Variants in KHDRBS2 observed in about 807,000 individuals in gnomAD.
The protein encoded by KHDRBS2 is KH RNA binding domain containing, signal transduction associated 2.
In KHDRBS2, 26 loss-of-function variants were observed where a neutral mutation model predicts 44.3. That is an observed-to-expected ratio of 0.59 (90% CI 0.43 to 0.81). The LOEUF (loss-of-function observed/expected upper bound fraction) is 0.81. Among genes scored for constraint, KHDRBS2 ranks in the 40% least tolerant of loss-of-function variants. The pLI is 0.00. For synonymous variants in KHDRBS2, 194 were observed against 151.1 expected, an observed-to-expected ratio of 1.28 and a Z score of -2.08; for missense variants, 476 against 433.1, an observed-to-expected ratio of 1.10 and a Z score of -0.88.
At chr6:62,246,010 T>A (rs1218780020) in intron 1 of KHDRBS2, among the ~76,000 whole-genome samples, 1 of 151,098 alleles carries the variant, frequency 6.6e-6, no homozygotes, top group Non-Finnish European at 1.5e-5. Flanking sequence ...CTGCAAACCT[T>A]GCTCACACCA....
intron 8 of KHDRBS2, among the ~76,000 whole-genome samples, chr6:61,683,572 T>G (rs1173359360): frequency 6.6e-6 from 1 of 151,860 alleles, no homozygotes; most frequent in Non-Finnish European, 1.5e-5. Context: ...TAAAGAAATT[T>G]AACATTTATT....
intron 1 of KHDRBS2, among the ~76,000 whole-genome samples, chr6:62,179,663 C>T (rs1821860300): frequency 6.6e-6 from 1 of 151,708 alleles, no homozygotes; most frequent in African/African-American, 2.4e-5. Flanking sequence ...TCCCTTGTTA[C>T]TTTTTCATAA....
intron 1 of KHDRBS2, among the ~76,000 whole-genome samples, chr6:62,265,303 C>T (rs1839010995): frequency 6.6e-6 from 1 of 151,902 alleles, no homozygotes; most frequent in Non-Finnish European, 1.5e-5. Context: ...TCCTGCATGC[C>T]ACCTTTGCTA....
At chr6:62,110,570 G>A (rs1229952508) in intron 2 of KHDRBS2, among the ~76,000 whole-genome samples, 2 of 152,034 alleles carry the variant, frequency 1.3e-5, no homozygotes, top group African/African-American at 4.8e-5. Context: ...TAATTATGTT[G>A]AGTGAAAGAA....
the KHDRBS2 span, among the ~76,000 whole-genome samples, chr6:61,544,786 T>C: frequency 6.6e-6 from 1 of 152,040 alleles, no homozygotes; most frequent in African/African-American, 2.4e-5. Flanking sequence ...TGTAGGGACA[T>C]GGATGAAGCT....
the KHDRBS2 span, among the ~76,000 whole-genome samples, chr6:61,663,189 G>A: frequency 2.9e-5 from 4 of 136,974 alleles, no homozygotes; most frequent in African/African-American, 8.2e-5. Flanking sequence ...TCATAGGTGG[G>A]AATTGAACAA....
At chr6:61,692,589 G>A (rs1767489792) in intron 8 of KHDRBS2, among the ~76,000 whole-genome samples, 1 of 151,800 alleles carries the variant, frequency 6.6e-6, no homozygotes, top group Non-Finnish European at 1.5e-5. Context: ...ATAAAATATA[G>A]GCCCCAAGGA....
At chr6:62,093,698 G>A (rs1799928467) in intron 2 of KHDRBS2, among the ~76,000 whole-genome samples, 1 of 151,632 alleles carries the variant, frequency 6.6e-6, no homozygotes, top group Non-Finnish European at 1.5e-5. Flanking sequence ...TCTACTTCTG[G>A]AAAGACAATG....
At chr6:62,257,865 T>C (rs1286863606) in intron 1 of KHDRBS2, among the ~76,000 whole-genome samples, 1 of 151,996 alleles carries the variant, frequency 6.6e-6, no homozygotes, top group Non-Finnish European at 1.5e-5. Flanking sequence ...CTTCTGGTCT[T>C]TACCCAATTA....
At chr6:61,641,655 C>A in the KHDRBS2 span, among the ~76,000 whole-genome samples, 1 of 152,148 alleles carries the variant, frequency 6.6e-6, no homozygotes, top group Non-Finnish European at 1.5e-5. Context: ...CTATGAGCTT[C>A]ATTTCTCTGG....
the KHDRBS2 span, among the ~76,000 whole-genome samples, chr6:61,623,773 G>A: frequency 1.1e-4 from 16 of 152,268 alleles, no homozygotes; most frequent in East Asian, 1.9e-4. Flanking sequence ...CCCTATGACC[G>A]ACTGAAGAAG....
chr6:61,890,045 C>T (rs954396630), intron 6 of KHDRBS2, among the ~76,000 whole-genome samples: 4 of 152,174 alleles, frequency 2.6e-5, no homozygotes, highest in African/African-American at 9.7e-5. Context: ...CTCTCCGGAG[C>T]ACTTATCTCT....
intron 6 of KHDRBS2, among the ~76,000 whole-genome samples, chr6:61,766,442 G>A (rs1234755481): frequency 6.6e-6 from 1 of 151,416 alleles, no homozygotes; most frequent in African/African-American, 2.4e-5. Flanking sequence ...TTGATATTTT[G>A]TATTTTTTTG....
At chr6:61,810,309 G>A (rs994110041) in intron 6 of KHDRBS2, among the ~76,000 whole-genome samples, 2 of 152,100 alleles carry the variant, frequency 1.3e-5, no homozygotes, top group African/African-American at 4.8e-5. Flanking sequence ...CAGGCCCGAG[G>A]TTGATGTGTG....
At chr6:61,623,978 G>A in the KHDRBS2 span, among the ~76,000 whole-genome samples, 11 of 152,074 alleles carry the variant, frequency 7.2e-5, no homozygotes, top group Non-Finnish European at 1.3e-4. Flanking sequence ...AGTGTCATGA[G>A]GTGAAAACAT....
chr6:61,577,086 C>G, the KHDRBS2 span, among the ~76,000 whole-genome samples: 16 of 151,224 alleles, frequency 1.1e-4, 1 homozygote, highest in East Asian at 2.7e-3. Context: ...TCTTATGATA[C>G]CTGGTAGTTG....
intron 2 of KHDRBS2, among the ~76,000 whole-genome samples, chr6:62,158,699 G>C (rs1313427386): frequency 6.6e-6 from 1 of 152,088 alleles, no homozygotes; most frequent in Non-Finnish European, 1.5e-5. Context: ...GAACTTGAGA[G>C]TAGGAAGATA....
intron 2 of KHDRBS2, among the ~76,000 whole-genome samples, chr6:62,119,338 G>A (rs1807052331): frequency 6.6e-6 from 1 of 152,168 alleles, no homozygotes; most frequent in Non-Finnish European, 1.5e-5. Context: ...GAAGTTGGTT[G>A]GTTGCTCTTA....
intron 6 of KHDRBS2, among the ~76,000 whole-genome samples, chr6:61,757,264 A>T (rs1778625787): frequency 1.3e-5 from 2 of 151,056 alleles, no homozygotes; most frequent in Admixed American, 6.6e-5. Flanking sequence ...AGGTTTTGAA[A>T]CTCTTACTAT....
Sources: allele counts gnomAD v4.1 joint callset (sites outside exome capture counted in the v4.1 genomes callset), GRCh38; gene constraint gnomAD v4.1.1; transcripts MANE v1.5; gene names NCBI Gene and HGNC (gene_info 2026-07-23, HGNC 2026-07-21).